WDFY3: variants seen among roughly 807,000 people sequenced by gnomAD.
WDFY3 encodes the protein WD repeat and FYVE domain-containing protein 3.
In WDFY3, 66 loss-of-function variants were observed where a neutral mutation model predicts 409.6. That is an observed-to-expected ratio of 0.16 (90% CI 0.13 to 0.20). The LOEUF is 0.20. Ranked by LOEUF, WDFY3 falls within the 10% of genes least tolerant of loss-of-function variation. The pLI is 1.00. For missense variants in WDFY3, 3,031 were observed against 4,298.1 expected (o/e 0.71, Z 8.24); for synonymous variants, 1,521 against 1,537.1 (o/e 0.99, Z 0.25).
chr4:84,850,387 T>C (rs1009111720), intron 4 of WDFY3, among the ~76,000 whole-genome samples: 2 of 152,136 alleles, frequency 1.3e-5, no homozygotes, highest in Admixed American at 6.5e-5. Flanking sequence ...GGCACGATTT[T>C]GGCTCACTGC....
At chr4:84,859,302 G>A (rs1760213958) in intron 4 of WDFY3, among the ~76,000 whole-genome samples, 1 of 152,168 alleles carries the variant, frequency 6.6e-6, no homozygotes. Flanking sequence ...ATAGGGAAAG[G>A]ATGAGGAGGG....
At chr4:84,867,453 T>A (rs551656328) in intron 3 of WDFY3, among the ~76,000 whole-genome samples, 1 of 152,234 alleles carries the variant, frequency 6.6e-6, no homozygotes, top group Non-Finnish European at 1.5e-5. Context: ...AGGATTATTG[T>A]GTATAAGAAC....
At chr4:84,877,099 T>C (rs543736063) in intron 3 of WDFY3, among the ~76,000 whole-genome samples, 2 of 152,340 alleles carry the variant, frequency 1.3e-5, no homozygotes, top group Non-Finnish European at 2.9e-5. Flanking sequence ...TTCTCATAAC[T>C]TTAAGGAAAA....
rs1344139494 is a variant in WDFY3, at chr4:84,672,830, G to GT, written c.*37dup. The GT allele has an allele frequency of 1.2e-6, 2 of 1,612,934 alleles. No individual in the cohort carries two copies. Among genetic ancestry groups the GT allele is most frequent in the Non-Finnish European group, 1.7e-6 (2 of 1,179,480 alleles). ...GCTGGGACAGGAGAATCGGGAAGGG[G>GT]TCTACAGACCATGGTCTCCACTCAG... is the stretch of plus-strand genomic sequence containing the variant. On this transcript the variant is annotated 3_prime_UTR_variant, in exon 68 of 68. Transcript: ENST00000295888.
chr4:84,845,867 G>A (rs185037865), intron 5 of WDFY3, among the ~76,000 whole-genome samples: 79 of 151,810 alleles, frequency 5.2e-4, no homozygotes, highest in Admixed American at 2.0e-3. Context: ...ATCAGGAAGG[G>A]TGGCCCTTCT....
At chr4:84,751,846 T>A in intron 35 of WDFY3, 130 bp from the exon 36 acceptor site, 1 of 897,330 alleles carries the variant, frequency 1.1e-6, no homozygotes, top group Non-Finnish European at 1.7e-6. Context: ...ATTATTTCAC[T>A]CTGCTTTACT....
At chr4:84,943,082 C>CA (rs1161375816) in intron 1 of WDFY3, among the ~76,000 whole-genome samples, 1 of 152,202 alleles carries the variant, frequency 6.6e-6, no homozygotes, top group Non-Finnish European at 1.5e-5. Flanking sequence ...TCGGCCAACT[C>CA]AGTGTGAAGA....
chr4:84,759,577 G>C (rs1742133451), intron 32 of WDFY3, among the ~76,000 whole-genome samples: 1 of 150,224 alleles, frequency 6.7e-6, no homozygotes, highest in South Asian at 2.1e-4. Flanking sequence ...TTGTGAATGG[G>C]AGTTCACTCA....
intron 1 of WDFY3, among the ~76,000 whole-genome samples, chr4:84,940,883 C>G (rs927187834): frequency 6.6e-6 from 1 of 151,956 alleles, no homozygotes; most frequent in African/African-American, 2.4e-5. Flanking sequence ...AAAAAATTAA[C>G]ATAATTTACC....
chr4:84,821,867 T>C (rs1754121752), intron 10 of WDFY3, among the ~76,000 whole-genome samples: 1 of 152,128 alleles, frequency 6.6e-6, no homozygotes, highest in Admixed American at 6.5e-5. Flanking sequence ...AGAGTGGTAG[T>C]TTTATTATCT....
intron 1 of WDFY3, among the ~76,000 whole-genome samples, chr4:84,935,345 C>T (rs1348424861): frequency 6.6e-6 from 1 of 152,170 alleles, no homozygotes; most frequent in African/African-American, 2.4e-5. Flanking sequence ...AAGGTAGTAG[C>T]AGAACTACCA....
In WDFY3 at chr4:84,956,337, C is replaced by T. The variant is rs184580132; in HGVS notation, c.-226+9872G>A. Among the ~76,000 whole-genome samples the T allele has an allele frequency of 2.2e-3, 341 of 152,228 alleles. 2 individuals carry two copies. The highest frequency in any genetic ancestry group is 7.7e-3 in the African/African-American group (319 of 41,536). On this transcript the variant is annotated intron_variant, in intron 1 of 67. Transcript: ENST00000295888. ...AGAATCCATGTCAGAACTCAATGAT[C>T]GCTATTATTTCAAGGACCCAGAGTG...
intron 40 of WDFY3, among the ~76,000 whole-genome samples, chr4:84,738,097 T>A (rs1176883546): frequency 6.6e-6 from 1 of 152,134 alleles, no homozygotes; most frequent in Non-Finnish European, 1.5e-5. Context: ...TAAATTCATG[T>A]TTAAATGAAG....
At chr4:84,959,073 C>T (rs1262836784) in intron 1 of WDFY3, among the ~76,000 whole-genome samples, 1 of 152,140 alleles carries the variant, frequency 6.6e-6, no homozygotes, top group Non-Finnish European at 1.5e-5. Context: ...ATCTACTCCC[C>T]TCACCACTAG....
intron 3 of WDFY3, among the ~76,000 whole-genome samples, chr4:84,893,106 T>C (rs1012655121): frequency 5.3e-5 from 8 of 152,164 alleles, no homozygotes; most frequent in South Asian, 2.1e-4. Flanking sequence ...AGCTCTCAAA[T>C]GTCTGCATTG....
At chr4:84,781,390 T>G (rs1008210209) in intron 25 of WDFY3, among the ~76,000 whole-genome samples, 3 of 149,690 alleles carry the variant, frequency 2.0e-5, no homozygotes, top group African/African-American at 7.5e-5. Context: ...TCTTTCCCTT[T>G]TGTTTTTTTT....
At chr4:84,697,904 T>C (rs1389708072) in intron 56 of WDFY3, among the ~76,000 whole-genome samples, 1 of 152,248 alleles carries the variant, frequency 6.6e-6, no homozygotes, top group Non-Finnish European at 1.5e-5. Flanking sequence ...TGCTAGTCGA[T>C]GGTTTATTTA....
intron 40 of WDFY3, among the ~76,000 whole-genome samples, chr4:84,737,679 A>G (rs1047826868): frequency 3.3e-5 from 5 of 152,210 alleles, no homozygotes; most frequent in Non-Finnish European, 5.9e-5. Context: ...CCCCCATTTA[A>G]AAGTAATTTT....
At chr4:84,869,568 A>T (rs531267548) in intron 3 of WDFY3, among the ~76,000 whole-genome samples, 1 of 152,366 alleles carries the variant, frequency 6.6e-6, no homozygotes, top group Admixed American at 6.5e-5. Flanking sequence ...TAGATTAAAG[A>T]TGTCCATGTA....
Sources: gnomAD v4.1 joint callset for allele counts (sites outside exome capture counted in the v4.1 genomes callset) on GRCh38, gnomAD v4.1.1 for gene constraint, MANE v1.5 for transcripts, NCBI Gene and HGNC (gene_info 2026-07-23, HGNC 2026-07-21) for gene names.